Variants in CCBE1 observed in about 807,000 individuals in gnomAD.
CCBE1 encodes the protein collagen and calcium-binding EGF domain-containing protein 1.
Under a neutral mutation model 50.0 loss-of-function variants are expected in CCBE1, and 37 were observed. The observed-to-expected ratio is 0.74, with a 90% CI of 0.57 to 0.97. The LOEUF (loss-of-function observed/expected upper bound fraction) is 0.97, where lower values mean the gene tolerates loss of function less well. CCBE1 is among the 50% of genes least tolerant of loss of function. The probability of loss-of-function intolerance (pLI) is 0.00; values close to 1 mark genes in which losing one functional copy is unlikely to be tolerated. For missense variants in CCBE1, 538 were observed against 523.8 expected (o/e 1.03, Z -0.26); for synonymous variants, 234 against 203.7 (o/e 1.15, Z -1.27).
At chr18:59,527,337 T>G (rs11152160) in intron 2 of CCBE1, among the ~76,000 whole-genome samples, 119,389 of 152,076 alleles carry the variant, frequency 0.79, 46,983 homozygotes, top group Admixed American at 0.82. Flanking sequence ...GTTCTTTTCT[T>G]CTTTCCATTT....
intron 4 of CCBE1, among the ~76,000 whole-genome samples, chr18:59,468,534 T>C (rs1316402394): frequency 6.6e-6 from 1 of 152,128 alleles, no homozygotes; most frequent in Admixed American, 6.5e-5. Context: ...GGAGTCACAA[T>C]CCCATTGTCT....
chr18:59,454,431 A>T (rs1305705099), intron 6 of CCBE1, among the ~76,000 whole-genome samples: 1 of 152,160 alleles, frequency 6.6e-6, no homozygotes, highest in East Asian at 1.9e-4. Context: ...TTTTTAGTAG[A>T]GATGGGGTTT....
intron 2 of CCBE1, among the ~76,000 whole-genome samples, chr18:59,565,719 C>T (rs1383524319): frequency 6.6e-6 from 1 of 151,988 alleles, no homozygotes; most frequent in Non-Finnish European, 1.5e-5. Flanking sequence ...AAAACCCAGA[C>T]CCTGTAGCTA....
chr18:59,514,737 C>A (rs765258808), intron 2 of CCBE1, among the ~76,000 whole-genome samples: 1 of 151,780 alleles, frequency 6.6e-6, no homozygotes, highest in Admixed American at 6.6e-5. Context: ...CCAGAGTACC[C>A]TTTGCCACGA....
intron 2 of CCBE1, among the ~76,000 whole-genome samples, chr18:59,512,810 C>T (rs1914190717): frequency 6.6e-6 from 1 of 152,182 alleles, no homozygotes. Flanking sequence ...AAGAGCAGGC[C>T]CACGGCTCTC....
At chr18:59,448,442 A>G (rs960713221) in intron 6 of CCBE1, among the ~76,000 whole-genome samples, 1 of 152,130 alleles carries the variant, frequency 6.6e-6, no homozygotes, top group African/African-American at 2.4e-5. Context: ...TGTCTCAAAC[A>G]TTTATTGAAC....
At chr18:59,508,713 T>TTTTTC in intron 2 of CCBE1, among the ~76,000 whole-genome samples, 2 of 127,470 alleles carry the variant, frequency 1.6e-5, no homozygotes, top group African/African-American at 3.3e-5. Flanking sequence ...GAGTTACGCT[T>TTTTTC]TTTTTTTTTT....
intron 2 of CCBE1, among the ~76,000 whole-genome samples, chr18:59,569,953 G>GT: frequency 6.6e-6 from 1 of 152,168 alleles, no homozygotes; most frequent in East Asian, 1.9e-4. Flanking sequence ...TCTTAGGCAA[G>GT]TATCACTACC....
At chr18:59,664,399 G>A (rs1425715039) in intron 2 of CCBE1, among the ~76,000 whole-genome samples, 1 of 152,114 alleles carries the variant, frequency 6.6e-6, no homozygotes, top group Non-Finnish European at 1.5e-5. Flanking sequence ...TGGCAACTGA[G>A]GATAAAGTAA....
At chr18:59,541,985 TG>T (rs1375882021) in intron 2 of CCBE1, among the ~76,000 whole-genome samples, 1 of 152,070 alleles carries the variant, frequency 6.6e-6, no homozygotes, top group Non-Finnish European at 1.5e-5. Context: ...AAGACTGGCT[TG>T]GGCAACATGG....
intron 2 of CCBE1, among the ~76,000 whole-genome samples, chr18:59,584,359 G>C (rs2053144041): frequency 7.9e-6 from 1 of 125,984 alleles, no homozygotes; most frequent in Non-Finnish European, 1.6e-5. Flanking sequence ...GTGGGGTCGG[G>C]GGAGGGGGGA....
intron 5 of CCBE1, among the ~76,000 whole-genome samples, chr18:59,455,933 C>T (rs1051108684): frequency 6.6e-5 from 10 of 152,340 alleles, no homozygotes; most frequent in East Asian, 5.8e-4. Context: ...CTATCTAGAA[C>T]GCAGACTGGG....
intron 2 of CCBE1, among the ~76,000 whole-genome samples, chr18:59,543,817 A>G (rs1915566540): frequency 7.6e-6 from 1 of 131,406 alleles, no homozygotes; most frequent in Non-Finnish European, 1.6e-5. Flanking sequence ...GCTGGGAGAT[A>G]GAGCGAGACT....
intron 2 of CCBE1, among the ~76,000 whole-genome samples, chr18:59,563,219 T>A (rs1209891544): frequency 5.9e-5 from 9 of 152,138 alleles, no homozygotes; most frequent in Non-Finnish European, 1.3e-4. Flanking sequence ...TTGTTTCCAA[T>A]ATAAAACCCC....
In CCBE1 at chr18:59,454,846, C is replaced by G. The variant is rs150596993; in HGVS notation, c.654+5G>C. The G allele has an allele frequency of 1.5e-4, 242 of 1,613,308 alleles. No individual in the cohort carries two copies. The East Asian group carries it at 1.6e-3, about 11-fold the overall frequency. On this transcript the variant is annotated splice_donor_5th_base_variant and intron_variant, in intron 6 of 10. Coordinates refer to ENST00000439986, the MANE Select transcript of CCBE1 (RefSeq NM_133459.4). The stretch of plus-strand genomic sequence containing the variant: ...CATCATCGTTCCCACCCCAGCGGCA[C>G]GTACCTTTTGCTTCAGCTGCAGCAC...
At chr18:59,620,757 T>C (rs1057354323) in intron 2 of CCBE1, among the ~76,000 whole-genome samples, 4 of 152,232 alleles carry the variant, frequency 2.6e-5, no homozygotes, top group African/African-American at 9.6e-5. Flanking sequence ...CTTCTTCTTC[T>C]GTCATGATTG....
At chr18:59,525,889 G>T (rs1914799418) in intron 2 of CCBE1, among the ~76,000 whole-genome samples, 1 of 152,202 alleles carries the variant, frequency 6.6e-6, no homozygotes, top group African/African-American at 2.4e-5. Context: ...TCCAGGAGCA[G>T]ATGGTTGTAG....
At chr18:59,598,258 A>G (rs911031548) in intron 2 of CCBE1, among the ~76,000 whole-genome samples, 4 of 152,186 alleles carry the variant, frequency 2.6e-5, no homozygotes, top group African/African-American at 4.8e-5. Flanking sequence ...AAGTTGCCAA[A>G]ATGTCCCTTC....
intron 2 of CCBE1, among the ~76,000 whole-genome samples, chr18:59,491,835 C>CAAACAAACAAACAAATAAACAAACA (rs71177029): frequency 1.3e-5 from 2 of 148,626 alleles, no homozygotes; most frequent in African/African-American, 4.9e-5. Context: ...AACAAACAAA[C>CAAACAAACAAACAAATAAACAAACA]AAAAAAAAAC....
Sources: gnomAD v4.1 joint callset for allele counts (sites outside exome capture counted in the v4.1 genomes callset) on GRCh38, gnomAD v4.1.1 for gene constraint, MANE v1.5 for transcripts, NCBI Gene and HGNC (gene_info 2026-07-23, HGNC 2026-07-21) for gene names.